The following SLC22A24 variants were observed in gnomAD, a reference collection of about 807,000 sequenced individuals.
SLC22A24 encodes the protein solute carrier family 22 member 24.
A neutral mutation model predicts 49.8 loss-of-function variants in SLC22A24; 53 were observed. The ratio of observed to expected loss-of-function variants is 1.06; its 90% CI spans 0.85 to 1.34. The LOEUF (loss-of-function observed/expected upper bound fraction) is 1.34, where lower values mean the gene tolerates loss of function less well. Among genes scored for constraint, SLC22A24 ranks in the 40% most tolerant of loss-of-function variants. The pLI is 0.00. For synonymous variants in SLC22A24, 302 were observed against 256.4 expected (o/e 1.18, Z -1.70); for missense variants, 786 against 675.9 (o/e 1.16, Z -1.81).
At chr11:63,116,872 A>G (rs1051132313) in intron 4 of SLC22A24, among the ~76,000 whole-genome samples, 4 of 152,152 alleles carry the variant, frequency 2.6e-5, no homozygotes, top group African/African-American at 7.2e-5. Context: ...TGACCATCCA[A>G]TAAATTTTCA....
At chr11:63,094,518 C>A (rs547428627) in intron 6 of SLC22A24, among the ~76,000 whole-genome samples, 44 of 152,198 alleles carry the variant, frequency 2.9e-4, no homozygotes, top group South Asian at 1.5e-3. Context: ...GCTGGGTCGA[C>A]TGGTATTTCT....
chr11:63,111,177 C>G (rs927795174), intron 4 of SLC22A24, among the ~76,000 whole-genome samples: 15 of 151,926 alleles, frequency 9.9e-5, no homozygotes, highest in African/African-American at 3.6e-4. Context: ...GTTGAACCAG[C>G]CTTGCATCCC....
chr11:63,118,849 AT>A (rs1372915771), intron 4 of SLC22A24, 62 bp downstream of exon 4: 2 of 1,532,952 alleles, frequency 1.3e-6, no homozygotes, highest in East Asian at 4.9e-5. Flanking sequence ...AGGTGTCAGA[AT>A]TTTCCTTTCT....
intron 6 of SLC22A24, among the ~76,000 whole-genome samples, chr11:63,091,508 A>G (rs888838459): frequency 6.6e-6 from 1 of 152,242 alleles, no homozygotes; most frequent in African/African-American, 2.4e-5. Context: ...AAAATCCTCA[A>G]TAAAATACTG....
At chr11:63,099,371 A>ATTTTTTTTTTTTGTTTTTTTTTT (rs2087076459) in intron 5 of SLC22A24, among the ~76,000 whole-genome samples, 1 of 52,320 alleles carries the variant, frequency 1.9e-5, no homozygotes. Context: ...AATTTTTAAG[A>ATTTTTTTTTTTTGTTTTTTTTTT]TTTTTTTTTT....
At chr11:63,085,296 A>T (rs1483383448) in intron 6 of SLC22A24, among the ~76,000 whole-genome samples, 4 of 152,156 alleles carry the variant, frequency 2.6e-5, no homozygotes, top group African/African-American at 9.7e-5. Flanking sequence ...AAAACAAAAA[A>T]CCTGGAAAAA....
At chr11:63,104,004 A>C (rs2087105725) in intron 5 of SLC22A24, 171 bp downstream of exon 5, 1 of 581,824 alleles carries the variant, frequency 1.7e-6, no homozygotes, top group African/African-American at 1.9e-5. Context: ...ATATTTCAAT[A>C]TCTATATCCA....
intron 2 of SLC22A24, among the ~76,000 whole-genome samples, chr11:63,129,149 T>C (rs893442031): frequency 6.6e-6 from 1 of 152,236 alleles, no homozygotes; most frequent in Non-Finnish European, 1.5e-5. Context: ...AGTTAATTTT[T>C]GTATAAGGTG....
intron 2 of SLC22A24, among the ~76,000 whole-genome samples, chr11:63,132,063 GA>G (rs1190910898): frequency 2.0e-5 from 3 of 151,710 alleles, no homozygotes; most frequent in African/African-American, 7.3e-5. Context: ...TCTTCCACTT[GA>G]TCCAATAGGC....
intron 2 of SLC22A24, among the ~76,000 whole-genome samples, chr11:63,127,478 C>T (rs1173051004): frequency 1.3e-5 from 2 of 152,102 alleles, no homozygotes; most frequent in Non-Finnish European, 2.9e-5. Context: ...ATTTATAATC[C>T]TTTGGGTATA....
At chr11:63,140,516 A>C (rs144027679) in intron 1 of SLC22A24, among the ~76,000 whole-genome samples, 1 of 152,188 alleles carries the variant, frequency 6.6e-6, no homozygotes, top group Non-Finnish European at 1.5e-5. Flanking sequence ...AAAATCATTC[A>C]GTTTACCTAC....
chr11:63,099,731 C>T (rs1215102832), intron 5 of SLC22A24, among the ~76,000 whole-genome samples: 1 of 151,866 alleles, frequency 6.6e-6, no homozygotes, highest in Non-Finnish European at 1.5e-5. Context: ...TTTTCACGGC[C>T]AGGCAGAATT....
Position 63,119,236 on chromosome 11 carries a change from C to T in SLC22A24, c.606G>A (p.Leu202=), listed in dbSNP as rs2087234398. 1.3e-6 allele frequency: 2 copies of T among 1,551,124 alleles called. No individual in the cohort carries two copies. The highest frequency in any genetic ancestry group is 4.9e-5 in the East Asian group (2 of 40,912). Residue 202 remains leucine, a synonymous_variant, in exon 3 of 10, where the codon CTG becomes CTA. Transcript: ENST00000612278. ...TGGTGGAGAACCCTGCCAAGAAGCG[C>T]AGTATGCAGTAAACAAGGAAGGTGG... ...FAPTFLVYCI[L]RFLAGFSTMT...
intron 4 of SLC22A24, chr11:63,118,535 G>A (rs2087227659): frequency 4.8e-6 from 2 of 417,422 alleles, no homozygotes; most frequent in South Asian, 8.5e-5. Context: ...AAATAGTTAT[G>A]TAGATAAATT....
chr11:63,107,663 G>C (rs1590736889), intron 4 of SLC22A24, among the ~76,000 whole-genome samples: 1 of 152,004 alleles, frequency 6.6e-6, no homozygotes, highest in African/African-American at 2.4e-5. Context: ...CTTGTAAGTT[G>C]GATTCCTAGG....
At chr11:63,110,644 CTGTT>C (rs1406753029) in intron 4 of SLC22A24, among the ~76,000 whole-genome samples, 2 of 133,860 alleles carry the variant, frequency 1.5e-5, no homozygotes, top group Admixed American at 8.1e-5. Context: ...ATTTGGCTCT[CTGTT>C]TGTCTGTTGT....
chr11:63,112,417 G>T (rs932195768), intron 4 of SLC22A24, among the ~76,000 whole-genome samples: 1 of 152,100 alleles, frequency 6.6e-6, no homozygotes, highest in Non-Finnish European at 1.5e-5. Flanking sequence ...TTAACTTTCT[G>T]TCTCGTTGAT....
At chr11:63,098,622 C>T (rs2134647055) in intron 5 of SLC22A24, among the ~76,000 whole-genome samples, 1 of 152,208 alleles carries the variant, frequency 6.6e-6, no homozygotes, top group South Asian at 2.1e-4. Context: ...AAGATTACAC[C>T]ACTGCCCTCC....
At chr11:63,092,936 G>A (rs926963698) in intron 6 of SLC22A24, among the ~76,000 whole-genome samples, 1 of 151,890 alleles carries the variant, frequency 6.6e-6, no homozygotes. Flanking sequence ...ATTTTTGCAA[G>A]CTACCTATCT....
Sources: gnomAD v4.1 joint callset for allele counts (sites outside exome capture counted in the v4.1 genomes callset) on GRCh38, gnomAD v4.1.1 for gene constraint, MANE v1.5 for transcripts, NCBI Gene and HGNC (gene_info 2026-07-23, HGNC 2026-07-21) for gene names.